Variants in LEPR observed in about 807,000 individuals in gnomAD.
The protein encoded by LEPR is OB receptor.
Under a neutral mutation model 114.7 loss-of-function variants are expected in LEPR, and 56 were observed. The ratio of observed to expected loss-of-function variants is 0.49; its 90% CI spans 0.39 to 0.61. LEPR has a LOEUF of 0.61. LEPR is among the 20% of genes least tolerant of loss of function. LEPR has a pLI of 0.00. For missense variants in LEPR, 1,202 were observed against 1,352.9 expected (o/e 0.89, Z 1.75); for synonymous variants, 443 against 461.4 (o/e 0.96, Z 0.51).
chr1:65,432,998 A>T, intron 2 of LEPR: 1 of 985,458 alleles, frequency 1.0e-6, no homozygotes, highest in Non-Finnish European at 1.2e-6. Context: ...TGGGGAACAG[A>T]TGTATCTTTT....
chr1:65,559,599 G>T (rs1398079543), intron 2 of LEPR, among the ~76,000 whole-genome samples: 3 of 61,574 alleles, frequency 4.9e-5, no homozygotes, highest in African/African-American at 7.5e-5. Context: ...CATTGCTTTT[G>T]GTGTTTTGGA....
At chr1:65,544,830 A>C (rs1651538171) in intron 2 of LEPR, among the ~76,000 whole-genome samples, 1 of 150,830 alleles carries the variant, frequency 6.6e-6, no homozygotes, top group Admixed American at 6.6e-5. Context: ...TTATACTTTA[A>C]GTTTTAGGGT....
intron 2 of LEPR, among the ~76,000 whole-genome samples, chr1:65,487,719 ATTATC>A (rs1647566644): frequency 6.7e-6 from 1 of 149,480 alleles, no homozygotes; most frequent in African/African-American, 2.4e-5. Flanking sequence ...TTTTTTTAAA[ATTATC>A]TTAGGTACAT....
chr1:65,546,193 C>T (rs1246032239), intron 2 of LEPR, among the ~76,000 whole-genome samples: 1 of 152,114 alleles, frequency 6.6e-6, no homozygotes, highest in African/African-American at 2.4e-5. Context: ...CAGTACCGTG[C>T]TGTTTTGGTT....
Position 65,598,095 on chromosome 1 carries a change from CTT to C in LEPR, c.850-546_850-545del, listed in dbSNP as rs1226626771. On this transcript the variant is annotated intron_variant, in intron 7 of 19. Transcript: ENST00000349533. ...CTAGGCTCAAGTGATCCTCCTGCCT[CTT>C]TTTTTTTTTTTTTTTTTTAAGAGAT... Among the ~76,000 whole-genome samples, 67 of 101,456 alleles carry C rather than the reference CTT, an allele frequency of 6.6e-4. 1 individual carries two copies. Among genetic ancestry groups the C allele is most frequent in the African/African-American group, 2.3e-3 (53 of 22,648 alleles). 66.6% of individuals were successfully genotyped at this position (101,456 alleles called of 152,430 possible).
At chr1:65,441,401 G>A (rs142090774) in intron 2 of LEPR, among the ~76,000 whole-genome samples, 1,887 of 152,262 alleles carry the variant, frequency 0.012, 25 homozygotes, top group Non-Finnish European at 0.018. Flanking sequence ...TTGCTTTCAG[G>A]ACTCACACTT....
Position 65,641,198 on chromosome 1 carries a change from T to C in LEPR, c.*4183T>C, listed in dbSNP as rs188866360. ...TATGCTTAAGATGTATGGCATTAAA[T>C]TCAATTTTATGAGGCTTTCTGACAT... On this transcript the variant is annotated 3_prime_UTR_variant, in exon 20 of 20. Transcript: ENST00000349533. 1.4e-4 allele frequency: 21 copies of C among 152,340 alleles called. 1 individual carries two copies. The highest frequency in any genetic ancestry group is 4.3e-4 in the African/African-American group (18 of 41,576). 9.4% of individuals were successfully genotyped at this position (152,340 alleles called of 1,614,324 possible).
At chr1:65,460,841 CAAAACA>C (rs957260382) in intron 2 of LEPR, among the ~76,000 whole-genome samples, 5 of 150,814 alleles carry the variant, frequency 3.3e-5, no homozygotes, top group African/African-American at 7.3e-5. Flanking sequence ...CACTCTGTCT[CAAAACA>C]AAAACAAAAA....
intron 2 of LEPR, chr1:65,435,230 T>G (rs1646542014): frequency 2.0e-6 from 2 of 985,302 alleles, no homozygotes; most frequent in South Asian, 9.4e-5. Context: ...CTTACTGTCC[T>G]AAGGAAGTCC....
At position 65,488,107 on chromosome 1, in the gene LEPR, CTCTTTCTT is replaced by C. The variant is rs1202835041; in HGVS notation, c.-21+62744_-21+62751del. 2.7e-4 allele frequency among the ~76,000 whole-genome samples: 33 copies of C among 121,598 alleles called. 1 individual carries two copies. Among genetic ancestry groups the C allele is most frequent in the Admixed American group, 9.8e-4 (11 of 11,248 alleles). 79.8% of individuals were successfully genotyped at this position (121,598 alleles called of 152,430 possible). ...TCTTCCTTTCTTTCCTTCTTTCTTTCTCTTTCTTTCTTTCTTTCTTTCCCTCCCTCCCT... is the reference window on the plus strand; with the variant it reads ...TCTTCCTTTCTTTCCTTCTTTCTTTCTCTTTCTTTCTTTCCCTCCCTCCCT... On this transcript the variant is annotated intron_variant, in intron 2 of 19. Coordinates refer to ENST00000349533, the MANE Select transcript of LEPR (RefSeq NM_002303.6).
intron 2 of LEPR, among the ~76,000 whole-genome samples, chr1:65,543,063 T>C (rs983357829): frequency 6.6e-6 from 1 of 152,044 alleles, no homozygotes; most frequent in Non-Finnish European, 1.5e-5. Flanking sequence ...GTTGAACTAA[T>C]TTACACTCCC....
intron 2 of LEPR, among the ~76,000 whole-genome samples, chr1:65,543,392 A>T (rs1470209737): frequency 6.6e-6 from 1 of 151,532 alleles, no homozygotes; most frequent in Non-Finnish European, 1.5e-5. Flanking sequence ...GATTGCAAAA[A>T]TTTTCTCCTA....
At chr1:65,488,198 T>TCTCTCTCTCTCTC (rs1647633683) in intron 2 of LEPR, among the ~76,000 whole-genome samples, 1 of 24,604 alleles carries the variant, frequency 4.1e-5, no homozygotes, top group East Asian at 6.1e-4. Flanking sequence ...CTTTCTTTCT[T>TCTCTCTCTCTCTC]TCTTTCTTTC....
chr1:65,565,302 A>G (rs1653655716), intron 2 of LEPR, among the ~76,000 whole-genome samples: 2 of 152,224 alleles, frequency 1.3e-5, no homozygotes, highest in African/African-American at 4.8e-5. Context: ...TTGTTATGGC[A>G]TAAAGGAACA....
At chr1:65,525,090 G>GTCCT (rs1649833581) in intron 2 of LEPR, among the ~76,000 whole-genome samples, 1 of 152,202 alleles carries the variant, frequency 6.6e-6, no homozygotes, top group Non-Finnish European at 1.5e-5. Flanking sequence ...ATGCGCGAAT[G>GTCCT]CCCTCTTCAG....
intron 12 of LEPR, among the ~76,000 whole-genome samples, chr1:65,609,497 T>G (rs2100966768): frequency 6.6e-6 from 1 of 152,358 alleles, no homozygotes; most frequent in Admixed American, 6.5e-5. Context: ...CCTTATTGTA[T>G]CATTAGATCA....
At chr1:65,554,999 C>T (rs1030487957) in intron 2 of LEPR, among the ~76,000 whole-genome samples, 10 of 152,042 alleles carry the variant, frequency 6.6e-5, no homozygotes, top group African/African-American at 1.9e-4. Flanking sequence ...CCTGGATGAG[C>T]CAACGCCCCA....
chr1:65,569,405 A>G (rs1272539368), intron 3 of LEPR, among the ~76,000 whole-genome samples: 3 of 152,208 alleles, frequency 2.0e-5, no homozygotes, highest in Admixed American at 1.3e-4. Context: ...ATTTTCAAAC[A>G]AATATTTAAA....
intron 1 of LEPR, 106 bp downstream of exon 1, chr1:65,420,846 C>T: frequency 7.4e-7 from 1 of 1,350,148 alleles, no homozygotes; most frequent in Non-Finnish European, 1.0e-6. Context: ...ACGGCCTCAC[C>T]ACCCTTCCCG....
Sources: allele counts gnomAD v4.1 joint callset (sites outside exome capture counted in the v4.1 genomes callset), GRCh38; gene constraint gnomAD v4.1.1; transcripts MANE v1.5; gene names NCBI Gene and HGNC (gene_info 2026-07-23, HGNC 2026-07-21).